ELMO1: variants seen among roughly 807,000 people sequenced by gnomAD.
ELMO1 encodes the protein engulfment and cell motility 1.
In ELMO1, 26 loss-of-function variants were observed where a neutral mutation model predicts 98.9. The observed-to-expected ratio is 0.26, with a 90% CI of 0.19 to 0.36. The LOEUF (loss-of-function observed/expected upper bound fraction) is 0.36. Among genes scored for constraint, ELMO1 ranks in the 10% least tolerant of loss-of-function variants. The pLI is 1.00. For synonymous variants in ELMO1, 346 were observed against 346.0 expected, an observed-to-expected ratio of 1.00 and a Z score of 0.00; for missense variants, 627 against 935.2, an observed-to-expected ratio of 0.67 and a Z score of 4.30.
chr7:37,058,720 G>A (rs147855226), intron 15 of ELMO1, among the ~76,000 whole-genome samples: 30 of 152,250 alleles, frequency 2.0e-4, no homozygotes, highest in South Asian at 6.2e-4. Context: ...GACCAAGGAA[G>A]CCTAGAAGAC....
intron 10 of ELMO1, among the ~76,000 whole-genome samples, chr7:37,221,452 T>A (rs947603147): frequency 6.6e-6 from 1 of 152,182 alleles, no homozygotes; most frequent in Non-Finnish European, 1.5e-5. Flanking sequence ...AGAGCTCATA[T>A]TCCCACCCAC....
At chr7:37,389,405 C>G (rs1802964457) in intron 1 of ELMO1, among the ~76,000 whole-genome samples, 1 of 152,148 alleles carries the variant, frequency 6.6e-6, no homozygotes, top group Non-Finnish European at 1.5e-5. Flanking sequence ...GTTAAGCAGT[C>G]TTGGTAATGT....
At position 36,951,232 on chromosome 7, in the gene ELMO1, A is replaced by T. The variant is rs150654771; in HGVS notation, c.1438-56215T>A. The stretch of plus-strand genomic sequence containing the variant: ...ATCATCTTAAAAGGGAGTCCAGATC[A>T]GTGCAAGGCATTGCTTAAGATGCTT... On this transcript the variant is annotated intron_variant, in intron 16 of 21. Transcript: ENST00000310758. Among the ~76,000 whole-genome samples the T allele has an allele frequency of 4.7e-3, 709 of 152,316 alleles. 5 individuals are homozygous for T. The highest frequency in any genetic ancestry group is 0.016 in the African/African-American group (675 of 41,562).
intron 13 of ELMO1, among the ~76,000 whole-genome samples, chr7:37,205,808 A>G (rs1302616600): frequency 6.6e-6 from 1 of 152,252 alleles, no homozygotes; most frequent in Non-Finnish European, 1.5e-5. Context: ...TTTGGGCATT[A>G]CAAATAAATT....
chr7:37,279,870 TC>T (rs1180936750), intron 4 of ELMO1, among the ~76,000 whole-genome samples: 4 of 151,872 alleles, frequency 2.6e-5, no homozygotes, highest in African/African-American at 9.7e-5. Context: ...CGGCCGGCCT[TC>T]CCCCACTTCC....
At chr7:37,430,489 T>C (rs964546074) in intron 1 of ELMO1, among the ~76,000 whole-genome samples, 1 of 152,264 alleles carries the variant, frequency 6.6e-6, no homozygotes, top group Admixed American at 6.5e-5. Flanking sequence ...TTATTTTCTC[T>C]GAACCGACCA....
chr7:37,290,685 C>T (rs1797631239), intron 4 of ELMO1, among the ~76,000 whole-genome samples: 1 of 152,030 alleles, frequency 6.6e-6, no homozygotes, highest in African/African-American at 2.4e-5. Flanking sequence ...ATAAATAGAA[C>T]AATATATTGT....
chr7:36,960,769 G>A (rs1788875828), intron 16 of ELMO1, among the ~76,000 whole-genome samples: 1 of 152,090 alleles, frequency 6.6e-6, no homozygotes, highest in Non-Finnish European at 1.5e-5. Context: ...GCAGCTTGGA[G>A]ATCCCTTGAA....
At chr7:37,331,333 C>CTT (rs776303689) in intron 2 of ELMO1, among the ~76,000 whole-genome samples, 9 of 28,710 alleles carry the variant, frequency 3.1e-4, no homozygotes, top group Admixed American at 5.7e-4. Flanking sequence ...CCACGCCTGG[C>CTT]TTTTTTTTTT....
At chr7:37,399,239 G>A (rs577966745) in intron 1 of ELMO1, among the ~76,000 whole-genome samples, 3 of 152,364 alleles carry the variant, frequency 2.0e-5, no homozygotes, top group South Asian at 4.1e-4. Flanking sequence ...ACAAACTCGT[G>A]CAGAAGGGAG....
chr7:37,093,703 G>T (rs966619791), intron 15 of ELMO1, among the ~76,000 whole-genome samples: 1 of 152,126 alleles, frequency 6.6e-6, no homozygotes, highest in Admixed American at 6.6e-5. Flanking sequence ...CTTACCACAG[G>T]GTGTTTTATC....
At chr7:37,032,083 T>C (rs1490260943) in intron 15 of ELMO1, among the ~76,000 whole-genome samples, 1 of 152,152 alleles carries the variant, frequency 6.6e-6, no homozygotes, top group East Asian at 1.9e-4. Flanking sequence ...CAGGCCTGCG[T>C]GAGTCATTGG....
intron 16 of ELMO1, among the ~76,000 whole-genome samples, chr7:37,000,525 G>T (rs1297169493): frequency 1.3e-5 from 2 of 152,168 alleles, no homozygotes; most frequent in African/African-American, 4.8e-5. Flanking sequence ...TTCTAAGGGG[G>T]ATGCATTTTT....
chr7:37,260,052 T>C (rs1795901800), intron 5 of ELMO1, among the ~76,000 whole-genome samples: 2 of 152,218 alleles, frequency 1.3e-5, no homozygotes, highest in Non-Finnish European at 2.9e-5. Flanking sequence ...AATCGAAATA[T>C]ATTAGAGAAG....
chr7:37,367,981 AT>A, intron 1 of ELMO1, among the ~76,000 whole-genome samples: 1 of 152,302 alleles, frequency 6.6e-6, no homozygotes, highest in Non-Finnish European at 1.5e-5. Flanking sequence ...GTCAATCATA[AT>A]TTTTTAAAGC....
At chr7:37,271,616 CA>C in intron 5 of ELMO1, 2 of 525,810 alleles carry the variant, frequency 3.8e-6, no homozygotes, top group Non-Finnish European at 6.7e-6. Flanking sequence ...GCAGGTTAGA[CA>C]AGCTTGCCCT....
Position 37,247,137 on chromosome 7 carries a change from A to T in ELMO1, c.414-2746T>A, listed in dbSNP as rs148945115. Among the ~76,000 whole-genome samples, 65 of 152,352 alleles carry T rather than the reference A, an allele frequency of 4.3e-4. No homozygotes were observed. The Middle Eastern group carries it at 0.01, about 24-fold the overall frequency. The stretch of plus-strand genomic sequence containing the variant: ...AATATAGAGGGAAACCTCTAAATTA[A>T]ACATTTTATTGGAGAATCATAGAAT... On this transcript the variant is annotated intron_variant, in intron 6 of 21. Coordinates refer to ENST00000310758, the MANE Select transcript of ELMO1 (RefSeq NM_014800.11).
At chr7:37,122,726 T>C (rs371399590) in intron 14 of ELMO1, among the ~76,000 whole-genome samples, 6 of 152,048 alleles carry the variant, frequency 3.9e-5, no homozygotes, top group East Asian at 3.9e-4. Context: ...GACAGATCAA[T>C]GAGACAGAAA....
chr7:37,147,965 A>C (rs1464464462), intron 13 of ELMO1, among the ~76,000 whole-genome samples: 1 of 152,210 alleles, frequency 6.6e-6, no homozygotes, highest in Non-Finnish European at 1.5e-5. Flanking sequence ...AGGCATCTGA[A>C]AGGGTATTGA....
Sources: gnomAD v4.1 joint callset for allele counts (sites outside exome capture counted in the v4.1 genomes callset) on GRCh38, gnomAD v4.1.1 for gene constraint, MANE v1.5 for transcripts, NCBI Gene and HGNC (gene_info 2026-07-23, HGNC 2026-07-21) for gene names.